The following CNTNAP2 variants were observed in gnomAD, a reference collection of about 807,000 sequenced individuals.
CNTNAP2 encodes the protein contactin-associated protein-like 2.
A neutral mutation model predicts 155.2 loss-of-function variants in CNTNAP2; 98 were observed. The observed-to-expected ratio is 0.63, with a 90% CI of 0.54 to 0.75. The LOEUF (loss-of-function observed/expected upper bound fraction) is 0.75. Among genes scored for constraint, CNTNAP2 ranks in the 30% least tolerant of loss-of-function variants. The pLI is 0.00. For missense variants in CNTNAP2, 1,727 were observed against 1,688.1 expected, an observed-to-expected ratio of 1.02 and a Z score of -0.40; for synonymous variants, 651 against 631.2, an observed-to-expected ratio of 1.03 and a Z score of -0.47.
chr7:147,181,739 T>G (rs965874781), intron 8 of CNTNAP2, among the ~76,000 whole-genome samples: 1 of 152,210 alleles, frequency 6.6e-6, no homozygotes, highest in Non-Finnish European at 1.5e-5. Context: ...TTCAAAAATA[T>G]AAAATACTTG....
chr7:148,395,182 C>T (rs962887651), intron 22 of CNTNAP2, among the ~76,000 whole-genome samples: 7 of 120,606 alleles, frequency 5.8e-5, no homozygotes, highest in African/African-American at 1.8e-4. Flanking sequence ...AGAACCAGCT[C>T]TTAGATTTAT....
At chr7:146,687,022 G>C (rs1197765856) in intron 1 of CNTNAP2, among the ~76,000 whole-genome samples, 1 of 152,096 alleles carries the variant, frequency 6.6e-6, no homozygotes, top group South Asian at 2.1e-4. Context: ...TGCCTAACTA[G>C]CATTCTTCTT....
intron 9 of CNTNAP2, among the ~76,000 whole-genome samples, chr7:147,355,062 A>G (rs1796039486): frequency 6.6e-6 from 1 of 152,000 alleles, no homozygotes; most frequent in Non-Finnish European, 1.5e-5. Flanking sequence ...TTCTAATATA[A>G]AATCATGTCT....
intron 12 of CNTNAP2, among the ~76,000 whole-genome samples, chr7:147,621,644 A>C (rs751741175): frequency 3.0e-4 from 45 of 152,056 alleles, no homozygotes; most frequent in Non-Finnish European, 5.6e-4. Context: ...CAATGGATAC[A>C]CACAAAATAA....
chr7:146,234,630 A>G (rs962785500), intron 1 of CNTNAP2, among the ~76,000 whole-genome samples: 5 of 151,754 alleles, frequency 3.3e-5, no homozygotes, highest in African/African-American at 7.2e-5. Context: ...ATCTTGAATT[A>G]ATTTTTGTAT....
intron 9 of CNTNAP2, among the ~76,000 whole-genome samples, chr7:147,369,335 G>C (rs1340346800): frequency 6.6e-6 from 1 of 152,138 alleles, no homozygotes; most frequent in East Asian, 1.9e-4. Context: ...TCTCCCCCAA[G>C]CTAAACGTGT....
chr7:148,190,146 C>T (rs955605675), intron 18 of CNTNAP2: 1 of 152,204 alleles, frequency 6.6e-6, no homozygotes, highest in African/African-American at 2.4e-5. Flanking sequence ...ACTTCCAAAG[C>T]TAGGTTATAG....
intron 10 of CNTNAP2, among the ~76,000 whole-genome samples, chr7:147,421,289 A>T (rs1871491): frequency 0.12 from 17,514 of 151,884 alleles, 1,465 homozygotes; most frequent in East Asian, 0.35. Flanking sequence ...TATATATATA[A>T]AAATATTGAA....
chr7:147,210,364 A>T (rs1367870450), intron 8 of CNTNAP2, among the ~76,000 whole-genome samples: 1 of 151,902 alleles, frequency 6.6e-6, no homozygotes, highest in Non-Finnish European at 1.5e-5. Flanking sequence ...TCCTTTAGAC[A>T]TTCTGTTTTG....
At chr7:147,121,531 A>G (rs977865749) in intron 6 of CNTNAP2, 52 of 190,306 alleles carry the variant, frequency 2.7e-4, no homozygotes, top group Non-Finnish European at 5.1e-4. Context: ...GTTGTCTAAT[A>G]TTTATTATAA....
intron 1 of CNTNAP2, among the ~76,000 whole-genome samples, chr7:146,415,658 A>G (rs1429049559): frequency 6.6e-6 from 1 of 152,122 alleles, no homozygotes. Context: ...TTTGAATCAT[A>G]GGAAAATCTC....
chr7:148,225,278 A>T (rs912329901), intron 19 of CNTNAP2, among the ~76,000 whole-genome samples: 4 of 152,136 alleles, frequency 2.6e-5, no homozygotes, highest in African/African-American at 9.7e-5. Flanking sequence ...GGCCAAGGGG[A>T]AGGAGAGGGT....
At chr7:148,218,936 CTTTTTTTTTTTTTT>C (rs746349465) in intron 19 of CNTNAP2, among the ~76,000 whole-genome samples, 1 of 73,630 alleles carries the variant, frequency 1.4e-5, no homozygotes, top group African/African-American at 5.8e-5. Flanking sequence ...TAAGATCACT[CTTTTTTTTTTTTTT>C]TTTTTTTTTT....
intron 4 of CNTNAP2, among the ~76,000 whole-genome samples, chr7:147,058,904 C>T (rs1224683753): frequency 1.3e-5 from 2 of 152,204 alleles, no homozygotes; most frequent in Non-Finnish European, 2.9e-5. Context: ...CATTCCCGTC[C>T]CTCAAAGGGC....
intron 21 of CNTNAP2, among the ~76,000 whole-genome samples, chr7:148,331,763 T>G (rs62470613): frequency 0.11 from 1,669 of 14,992 alleles, 410 homozygotes; most frequent in African/African-American, 0.12. Context: ...GACGGATGGA[T>G]TGGATGGATG....
chr7:146,749,587 T>C (rs1418359566), intron 1 of CNTNAP2, among the ~76,000 whole-genome samples: 2 of 152,186 alleles, frequency 1.3e-5, no homozygotes, highest in Non-Finnish European at 2.9e-5. Context: ...TCCATGCAAA[T>C]TAAATGTCAC....
intron 13 of CNTNAP2, among the ~76,000 whole-genome samples, chr7:147,864,067 C>T (rs1395615582): frequency 4.6e-5 from 7 of 151,884 alleles, no homozygotes; most frequent in Non-Finnish European, 7.4e-5. Context: ...TCAGGTCTAA[C>T]ATTTAAGTCT....
chr7:147,749,620 G>A (rs1411038530), intron 13 of CNTNAP2, among the ~76,000 whole-genome samples: 1 of 151,918 alleles, frequency 6.6e-6, no homozygotes, highest in African/African-American at 2.4e-5. Context: ...TGAGATATAT[G>A]AAGCAAGCAT....
chr7:147,023,923 G>T (rs1391792687), intron 3 of CNTNAP2, among the ~76,000 whole-genome samples: 1 of 152,114 alleles, frequency 6.6e-6, no homozygotes, highest in Admixed American at 6.6e-5. Context: ...GGCCAAGCTG[G>T]CAATAAGTTA....
Sources: gnomAD v4.1 joint callset for allele counts (sites outside exome capture counted in the v4.1 genomes callset) on GRCh38, gnomAD v4.1.1 for gene constraint, MANE v1.5 for transcripts, NCBI Gene and HGNC (gene_info 2026-07-23, HGNC 2026-07-21) for gene names.